The following IKZF3 variants were observed in gnomAD, a reference collection of about 807,000 sequenced individuals.
IKZF3 encodes the protein IKAROS family zinc finger 3.
Under a neutral mutation model 49.0 loss-of-function variants are expected in IKZF3, and 10 were observed. The ratio of observed to expected loss-of-function variants is 0.20; its 90% CI spans 0.13 to 0.35. The LOEUF (loss-of-function observed/expected upper bound fraction) is 0.35, where lower values mean the gene tolerates loss of function less well. IKZF3 is among the 10% of genes least tolerant of loss of function. The pLI is 1.00. For missense variants in IKZF3, 498 were observed against 664.8 expected (o/e 0.75, Z 2.76); for synonymous variants, 209 against 228.2 (o/e 0.92, Z 0.76).
rs369206887 is a variant in IKZF3, at chr17:39,850,665, T to TAGC, written c.7+13454_7+13455insGCT. 1.1e-3 allele frequency among the ~76,000 whole-genome samples: 132 copies of TAGC among 123,284 alleles called. 5 individuals carry two copies. The highest frequency in any genetic ancestry group is 2.9e-3 in the African/African-American group (86 of 29,786). The allele number at this position is 123,284 out of a possible 152,430, so 80.9% of individuals were successfully genotyped here. Reference sequence around the variant, plus strand: ...AATAACATATAGTATATATACTATATATGTATATGTATATATACACATATT... The same window carrying TAGC: ...AATAACATATAGTATATATACTATATAGCATGTATATGTATATATACACATATT... On this transcript the variant is annotated intron_variant, in intron 1 of 7. Coordinates refer to ENST00000346872, the MANE Select transcript of IKZF3 (RefSeq NM_012481.5).
intron 6 of IKZF3, among the ~76,000 whole-genome samples, chr17:39,787,045 T>A (rs911942257): frequency 6.6e-5 from 10 of 152,230 alleles, no homozygotes; most frequent in Non-Finnish European, 1.5e-5. Flanking sequence ...ATTTCTGTCA[T>A]CTTTTTGTAA....
chr17:39,806,155 G>A (rs9914302), intron 3 of IKZF3, among the ~76,000 whole-genome samples: 8,697 of 152,176 alleles, frequency 0.057, 381 homozygotes, highest in African/African-American at 0.12. Flanking sequence ...TTTCTCATTT[G>A]TGTTGCAGTA....
intron 1 of IKZF3, among the ~76,000 whole-genome samples, chr17:39,842,060 C>CAAAAAAAAAAA (rs1491414621): frequency 1.5e-4 from 3 of 20,316 alleles, no homozygotes; most frequent in African/African-American, 2.0e-4. Context: ...AAAAAAAAAA[C>CAAAAAAAAAAA]CAGATAAAAT....
At chr17:39,830,971 T>C (rs2062092855) in intron 2 of IKZF3, among the ~76,000 whole-genome samples, 1 of 152,228 alleles carries the variant, frequency 6.6e-6, no homozygotes, top group African/African-American at 2.4e-5. Context: ...CATATTATGA[T>C]GTATACTCTG....
intron 1 of IKZF3, among the ~76,000 whole-genome samples, chr17:39,841,770 C>T (rs1005769191): frequency 1.3e-5 from 2 of 151,950 alleles, no homozygotes; most frequent in African/African-American, 2.4e-5. Flanking sequence ...ATAGGCCAGG[C>T]GAGGTGACTC....
At chr17:39,821,849 T>G (rs559042385) in intron 3 of IKZF3, among the ~76,000 whole-genome samples, 176 of 152,338 alleles carry the variant, frequency 1.2e-3, no homozygotes, top group Middle Eastern at 3.4e-3. Flanking sequence ...TTACTTTATT[T>G]TGTAGATCAG....
intron 1 of IKZF3, among the ~76,000 whole-genome samples, chr17:39,848,808 T>G (rs961386261): frequency 6.6e-6 from 1 of 152,114 alleles, no homozygotes; most frequent in African/African-American, 2.4e-5. Flanking sequence ...GCTTCCTGAG[T>G]AGCTGAGACT....
intron 1 of IKZF3, among the ~76,000 whole-genome samples, chr17:39,834,756 G>GA (rs202076796): frequency 6.7e-4 from 101 of 151,000 alleles, no homozygotes; most frequent in African/African-American, 2.1e-3. Context: ...TATTTTGGAG[G>GA]AAAAAAAAAT....
At chr17:39,811,338 A>G (rs2061553495) in intron 3 of IKZF3, among the ~76,000 whole-genome samples, 1 of 151,420 alleles carries the variant, frequency 6.6e-6, no homozygotes, top group East Asian at 1.9e-4. Context: ...AAAGAAAGAA[A>G]GAAAGGGAAA....
intron 6 of IKZF3, among the ~76,000 whole-genome samples, chr17:39,780,494 G>T (rs2060713938): frequency 6.6e-6 from 1 of 151,906 alleles, no homozygotes; most frequent in Admixed American, 6.6e-5. Flanking sequence ...TTCCAAAGTT[G>T]CTGGGACTAC....
At chr17:39,835,104 T>C in intron 1 of IKZF3, 1 of 446,820 alleles carries the variant, frequency 2.2e-6, no homozygotes, top group South Asian at 1.7e-5. Context: ...TCCCAAGCCA[T>C]AGCTGAGGCC....
At chr17:39,799,195 T>C (rs1016610833) in intron 3 of IKZF3, among the ~76,000 whole-genome samples, 1 of 152,060 alleles carries the variant, frequency 6.6e-6, no homozygotes, top group South Asian at 2.1e-4. Context: ...ACAATGGAGT[T>C]TGAGAGCCAC....
intron 1 of IKZF3, among the ~76,000 whole-genome samples, chr17:39,862,043 T>C (rs1341768524): frequency 6.6e-6 from 1 of 152,200 alleles, no homozygotes; most frequent in Non-Finnish European, 1.5e-5. Flanking sequence ...AGAGATGTTA[T>C]AGTACAAATA....
intron 3 of IKZF3, among the ~76,000 whole-genome samples, chr17:39,819,074 C>T (rs2061742922): frequency 6.6e-6 from 1 of 152,166 alleles, no homozygotes; most frequent in Non-Finnish European, 1.5e-5. Context: ...TAAGGCGATA[C>T]TATTGTATGG....
chr17:39,819,445 C>T (rs986516888), intron 3 of IKZF3, among the ~76,000 whole-genome samples: 2 of 152,038 alleles, frequency 1.3e-5, no homozygotes, highest in Non-Finnish European at 2.9e-5. Flanking sequence ...AGAAGTTGCA[C>T]GAAGCTGATA....
At position 39,864,231 on chromosome 17, in the gene IKZF3, G is replaced by C; in HGVS notation, c.-105C>G. ...GCGCAGCTGGCGGGAGATTCCCGGC[G>C]CGGGGAGTCCCCGGGATCCGGCAGC... On this transcript the variant is annotated 5_prime_UTR_variant, in exon 1 of 8. Coordinates refer to ENST00000346872, the MANE Select transcript of IKZF3 (RefSeq NM_012481.5). The C allele has an allele frequency of 7.4e-7, 1 of 1,353,208 alleles. No individual in the cohort carries two copies. Among genetic ancestry groups the C allele is most frequent in the Admixed American group, 2.2e-5 (1 of 45,064 alleles). The allele number at this position is 1,353,208 out of a possible 1,614,324, so 83.8% of individuals were successfully genotyped here.
At chr17:39,809,085 T>C (rs982089778) in intron 3 of IKZF3, among the ~76,000 whole-genome samples, 1 of 152,270 alleles carries the variant, frequency 6.6e-6, no homozygotes, top group African/African-American at 2.4e-5. Flanking sequence ...TGTCAATGTC[T>C]TTAATGCCAC....
intron 7 of IKZF3, among the ~76,000 whole-genome samples, chr17:39,772,203 G>A (rs1021037628): frequency 6.6e-6 from 1 of 152,170 alleles, no homozygotes; most frequent in African/African-American, 2.4e-5. Flanking sequence ...ACAGATTGTG[G>A]AGGGCTCAGA....
intron 3 of IKZF3, among the ~76,000 whole-genome samples, chr17:39,807,363 T>C (rs1054950321): frequency 6.6e-6 from 1 of 151,824 alleles, no homozygotes; most frequent in South Asian, 2.1e-4. Flanking sequence ...AAACAGTGAA[T>C]TGATAATCAA....
Sources: gnomAD v4.1 joint callset for allele counts (sites outside exome capture counted in the v4.1 genomes callset) on GRCh38, gnomAD v4.1.1 for gene constraint, MANE v1.5 for transcripts, NCBI Gene and HGNC (gene_info 2026-07-23, HGNC 2026-07-21) for gene names.